ANKFY1: variants seen among roughly 807,000 people sequenced by gnomAD.
ANKFY1 encodes ankyrin repeat and FYVE domain containing 1.
ANKFY1 carries 47 observed loss-of-function variants against 128.3 expected under a neutral mutation model. The ratio of observed to expected loss-of-function variants is 0.37; its 90% CI spans 0.29 to 0.47. ANKFY1 has a LOEUF of 0.47. Ranked by LOEUF, ANKFY1 falls within the 20% of genes least tolerant of loss-of-function variation. The pLI is 1.00. For missense variants in ANKFY1, 1,222 were observed against 1,510.6 expected (o/e 0.81, Z 3.17); for synonymous variants, 553 against 601.6 (o/e 0.92, Z 1.18).
intron 1 of ANKFY1, among the ~76,000 whole-genome samples, chr17:4,260,994 C>G (rs1405096925): frequency 6.6e-6 from 1 of 152,198 alleles, no homozygotes; most frequent in Non-Finnish European, 1.5e-5. Context: ...ATAGCAGGCT[C>G]TGAGAATCTG....
intron 7 of ANKFY1, 109 bp downstream of exon 7, chr17:4,206,212 C>T (rs757889143): frequency 3.5e-4 from 419 of 1,193,214 alleles, no homozygotes; most frequent in Non-Finnish European, 4.7e-4. Context: ...CCTGTGAGTA[C>T]AGACTACAGA....
rs748264319 is a variant in ANKFY1 at position 4,178,901 on chromosome 17, A to T, written c.2554T>A (p.Ser852Thr). ...TCTCGTTTGAGAATGGCCTCGGCTGACTTGTTGTTCTTGAAAGTCATGGCA... is the reference window on the plus strand; with the variant it reads ...TCTCGTTTGAGAATGGCCTCGGCTGTCTTGTTGTTCTTGAAAGTCATGGCA... ...ACAMTFKNNK[S>T]AEAILKRESG... Residue 852 changes from serine to threonine, a missense_variant, in exon 18 of 25, where the codon TCA becomes ACA. Transcript: ENST00000341657. The surrounding 1 kb of genome is among the most constrained non-coding windows in gnomAD (Gnocchi z 4.1). 2 of 1,614,182 alleles carry T rather than the reference A, an allele frequency of 1.2e-6. No homozygotes were observed. The highest frequency in any genetic ancestry group is 2.2e-5 in the South Asian group (2 of 91,076).
At chr17:4,254,290 T>G (rs1209986783) in intron 1 of ANKFY1, among the ~76,000 whole-genome samples, 1 of 119,034 alleles carries the variant, frequency 8.4e-6, no homozygotes, top group East Asian at 2.2e-4. Context: ...GACCACAGAG[T>G]GAGACTCCAT....
intron 19 of ANKFY1, among the ~76,000 whole-genome samples, chr17:4,174,535 G>A (rs1361417227): frequency 6.6e-6 from 1 of 152,148 alleles, no homozygotes; most frequent in Non-Finnish European, 1.5e-5. Context: ...AAGATAGTAT[G>A]ATTCCATCTG....
chr17:4,182,258 A>C lies in ANKFY1; in HGVS notation c.2044T>G (p.Ser682Ala), dbSNP rs376632112. 11 of 1,594,374 alleles carry C rather than the reference A, an allele frequency of 6.9e-6. No individual in the cohort carries two copies. The African/African-American group carries it at 1.2e-4, about 17-fold the overall frequency. The part of the protein sequence containing the change: ...DAICTRGADM[S>A]VPDEKGNPPL... ...GGGTTCCCCTTCTCATCTGGCACAG[A>C]CATGTCAGCTCCTCGGGTGCATATG... Residue 682 changes from serine to alanine, a missense_variant, in exon 15 of 25, where the codon TCT becomes GCT. Coordinates refer to ENST00000341657, the MANE Select transcript of ANKFY1 (RefSeq NM_001330063.2).
chr17:4,170,702 G>A lies in ANKFY1; in HGVS notation c.3286+13C>T. The A allele has an allele frequency of 1.2e-6, 2 of 1,601,338 alleles. No homozygotes were observed. The highest frequency in any genetic ancestry group is 1.7e-6 in the Non-Finnish European group (2 of 1,173,344). ...TGTGCTTGCACTGTGAGAGCAGAGAGCGGGCCACTCACCCAGCAGTCGGAA... is the reference window on the plus strand; with the variant it reads ...TGTGCTTGCACTGTGAGAGCAGAGAACGGGCCACTCACCCAGCAGTCGGAA... On this transcript the variant is annotated intron_variant, in intron 23 of 24. Transcript: ENST00000341657.
At chr17:4,248,536 G>A (rs937073353) in intron 1 of ANKFY1, among the ~76,000 whole-genome samples, 3 of 152,182 alleles carry the variant, frequency 2.0e-5, no homozygotes, top group Non-Finnish European at 4.4e-5. Context: ...TAAATCACTC[G>A]GAACAGTGTC....
intron 4 of ANKFY1, 25 bp from the exon 5 acceptor site, chr17:4,209,972 G>T: frequency 6.3e-7 from 1 of 1,593,300 alleles, no homozygotes; most frequent in South Asian, 1.1e-5. Context: ...TCATCATGAG[G>T]AGTATTACTG....
chr17:4,236,790 T>TG (rs1567968175), intron 2 of ANKFY1, among the ~76,000 whole-genome samples: 1 of 151,332 alleles, frequency 6.6e-6, no homozygotes, highest in East Asian at 1.9e-4. Flanking sequence ...AACCACTATA[T>TG]GGAAAAAAAG....
intron 4 of ANKFY1, among the ~76,000 whole-genome samples, chr17:4,212,901 G>C (rs1174419995): frequency 2.0e-5 from 3 of 150,934 alleles, no homozygotes; most frequent in Middle Eastern, 3.2e-3. Context: ...CTCCAGAATA[G>C]CTGGGATTAC....
At chr17:4,208,511 C>T (rs1253010980) in intron 5 of ANKFY1, among the ~76,000 whole-genome samples, 3 of 152,230 alleles carry the variant, frequency 2.0e-5, no homozygotes, top group Admixed American at 2.0e-4. Flanking sequence ...TCAATTCCAA[C>T]TTCCACAAAC....
chr17:4,181,152 G>A lies in ANKFY1; in HGVS notation c.2240+102C>T, dbSNP rs1291108151. 24 of 943,598 alleles carry A rather than the reference G, an allele frequency of 2.5e-5. No homozygotes were observed. The highest frequency in any genetic ancestry group is 5.9e-5 in the South Asian group (4 of 68,202). The allele number at this position is 943,598 out of a possible 1,614,324, so 58.5% of individuals were successfully genotyped here. A position where few individuals can be genotyped will look rare whatever the true frequency, so the allele number is the denominator to read the frequency against. On this transcript the variant is annotated intron_variant, in intron 16 of 24. Transcript: ENST00000341657. The surrounding 1 kb of genome is among the most constrained non-coding windows in gnomAD (Gnocchi z 4.9). ...TAACCTTAACTGTGAAAGTCAAGCC[G>A]GCTACTGGCATGCCAAGACTATAGA...
intron 6 of ANKFY1, 81 bp from the exon 7 acceptor site, chr17:4,206,567 A>G: frequency 1.5e-6 from 2 of 1,295,514 alleles, no homozygotes; most frequent in Non-Finnish European, 2.2e-6. Flanking sequence ...TGACCCTTAA[A>G]TATCATCTCT....
chr17:4,201,686 C>T (rs1425643535), intron 7 of ANKFY1, among the ~76,000 whole-genome samples: 3 of 152,164 alleles, frequency 2.0e-5, no homozygotes, highest in East Asian at 1.9e-4. Context: ...CATTCTTCTG[C>T]TCCCGTTTTG....
At chr17:4,255,092 C>G (rs900463920) in intron 1 of ANKFY1, among the ~76,000 whole-genome samples, 4 of 152,066 alleles carry the variant, frequency 2.6e-5, no homozygotes, top group Non-Finnish European at 5.9e-5. Context: ...AGTAAATGCA[C>G]TCTACTCCCC....
chr17:4,188,481 C>T (rs973071554), intron 11 of ANKFY1: 1 of 152,106 alleles, frequency 6.6e-6, no homozygotes, highest in African/African-American at 2.4e-5. Flanking sequence ...AGGTCCTTGA[C>T]TCCAAAATAG....
chr17:4,217,947 G>C (rs992014329), intron 3 of ANKFY1, among the ~76,000 whole-genome samples: 1 of 152,158 alleles, frequency 6.6e-6, no homozygotes, highest in Non-Finnish European at 1.5e-5. Context: ...GCCTCCTAAA[G>C]CATTAGGATT....
chr17:4,195,300 C>T, intron 9 of ANKFY1, 103 bp downstream of exon 9: 1 of 1,419,240 alleles, frequency 7.0e-7, no homozygotes, highest in East Asian at 2.3e-5. Context: ...CTCACTTTAA[C>T]TTCTTAATAT....
At chr17:4,259,663 T>C (rs1211243477) in intron 1 of ANKFY1, among the ~76,000 whole-genome samples, 1 of 152,226 alleles carries the variant, frequency 6.6e-6, no homozygotes, top group East Asian at 1.9e-4. Flanking sequence ...ACTTAGGTTA[T>C]GCAGAGTATA....
Sources: gnomAD v4.1 joint callset for allele counts (sites outside exome capture counted in the v4.1 genomes callset) on GRCh38, gnomAD v4.1.1 for gene constraint, Gnocchi (gnomAD v3.1) non-coding constraint, MANE v1.5 for transcripts, NCBI Gene and HGNC (gene_info 2026-07-23, HGNC 2026-07-21) for gene names.